The following TENM4 variants were observed in gnomAD, a reference collection of about 807,000 sequenced individuals.
TENM4 encodes the protein teneurin-4.
A neutral mutation model predicts 243.3 loss-of-function variants in TENM4; 82 were observed. That is an observed-to-expected ratio of 0.34 (90% confidence interval 0.28 to 0.40). The LOEUF is 0.40. TENM4 is among the 10% of genes least tolerant of loss of function. TENM4 has a pLI of 1.00. For synonymous variants in TENM4, 1,412 were observed against 1,456.3 expected, an observed-to-expected ratio of 0.97 and a Z score of 0.69; for missense variants, 3,138 against 3,673.3, an observed-to-expected ratio of 0.85 and a Z score of 3.77.
At position 78,854,113 on chromosome 11, in the gene TENM4, T is replaced by C; in HGVS notation, c.1672A>G (p.Thr558Ala). The change falls in exon 12 of 34, where the codon ACT (threonine) becomes GCT (alanine). Residue 558 changes from threonine (T) to alanine (A), a missense_variant. Thr to Ala is a moderately conservative substitution (Grantham distance 58). Around this residue, in one of 2 missense-constraint regions of TENM4, gnomAD observed 2,467 missense variants for 3,059.1 expected, o/e 0.81. Transcript: ENST00000278550. Reference protein sequence around the residue: ...KESEVVSFLTTAIESVDNCPS... With the variant: ...KESEVVSFLTAAIESVDNCPS... ...GGTGTGGCTCCCTTACCAATGGCAG[T>C]GGTGAGAAAGGAAACCACTTCTGAC... The C allele has an allele frequency of 6.4e-7, 1 of 1,551,424 alleles. No homozygotes were observed. The highest frequency in any genetic ancestry group is 1.2e-5 in the South Asian group (1 of 83,996).
At chr11:78,774,649 C>T (rs142315768) in intron 17 of TENM4, among the ~76,000 whole-genome samples, 323 of 152,280 alleles carry the variant, frequency 2.1e-3, no homozygotes, top group Non-Finnish European at 3.3e-3. Context: ...AAGAGGCCTG[C>T]GTTCTGGCCT....
At chr11:78,753,522 C>T (rs988974411) in intron 19 of TENM4, among the ~76,000 whole-genome samples, 1 of 152,194 alleles carries the variant, frequency 6.6e-6, no homozygotes, top group Non-Finnish European at 1.5e-5. Flanking sequence ...TCATCGAATA[C>T]CAAGTAGTTA....
chr11:78,991,397 C>T (rs190539050), intron 6 of TENM4, among the ~76,000 whole-genome samples: 23 of 152,204 alleles, frequency 1.5e-4, no homozygotes, highest in African/African-American at 5.5e-4. Flanking sequence ...GGAGCTTTCT[C>T]TGAGAAAGAA....
chr11:78,852,841 C>G (rs1858572244), intron 12 of TENM4, among the ~76,000 whole-genome samples: 1 of 152,110 alleles, frequency 6.6e-6, no homozygotes, highest in African/African-American at 2.4e-5. Context: ...CCTCAATCTC[C>G]TGGGCTCAAG....
At chr11:79,271,079 T>A (rs1855960888) in intron 2 of TENM4, among the ~76,000 whole-genome samples, 2 of 152,310 alleles carry the variant, frequency 1.3e-5, no homozygotes, top group South Asian at 2.1e-4. Context: ...TTTTTCATGA[T>A]GACTTCTGAA....
rs114376236 is a variant in TENM4, at chr11:78,993,059, T to G, written c.493+71679A>C. Among the ~76,000 whole-genome samples the G allele has an allele frequency of 2.5e-3, 378 of 152,314 alleles. 1 individual carries two copies. Among genetic ancestry groups the G allele is most frequent in the African/African-American group, 7.9e-3 (328 of 41,566 alleles). ...TCATTCAGGTACTTAATTCACCCAT[T>G]TAATTGATTGTTGAACAGCTACTAT... On this transcript the variant is annotated intron_variant, in intron 6 of 33. Coordinates refer to ENST00000278550, the MANE Select transcript of TENM4 (RefSeq NM_001098816.3).
intron 20 of TENM4, among the ~76,000 whole-genome samples, chr11:78,734,980 C>T (rs746069484): frequency 6.6e-6 from 1 of 152,198 alleles, no homozygotes; most frequent in Non-Finnish European, 1.5e-5. Context: ...GTGTGAGAGA[C>T]CTCAATGCAG....
At chr11:79,162,144 T>C (rs938693118) in intron 3 of TENM4, among the ~76,000 whole-genome samples, 6 of 152,204 alleles carry the variant, frequency 3.9e-5, no homozygotes, top group Non-Finnish European at 8.8e-5. Flanking sequence ...AGACCCTGTG[T>C]GCAGATCTAA....
Position 79,297,521 on chromosome 11 carries a change from T to A in TENM4, c.-298A>T, listed in dbSNP as rs1435750499. The A allele has an allele frequency of 6.6e-6, 1 of 152,608 alleles. No homozygotes were observed. The highest frequency in any genetic ancestry group is 1.5e-5 in the Non-Finnish European group (1 of 68,038). The allele number at this position is 152,608 out of a possible 1,614,324, so 9.5% of individuals were successfully genotyped here. ...CAAGTGTCTGAGAGATCACTAGCCCTCTCTGATTCTCAGTTTTTCCATCTG... is the reference window on the plus strand; with the variant it reads ...CAAGTGTCTGAGAGATCACTAGCCCACTCTGATTCTCAGTTTTTCCATCTG... On this transcript the variant is annotated 5_prime_UTR_variant, in exon 2 of 34. Transcript: ENST00000278550.
At chr11:78,811,304 G>T (rs1345344634) in intron 14 of TENM4, among the ~76,000 whole-genome samples, 2 of 152,208 alleles carry the variant, frequency 1.3e-5, no homozygotes, top group Non-Finnish European at 2.9e-5. Flanking sequence ...AAGAGTCCTG[G>T]ATTTGAAGTG....
At position 78,704,119 on chromosome 11, in the gene TENM4, A is replaced by G. The variant is rs1459746080; in HGVS notation, c.4210-1716T>C. Among the ~76,000 whole-genome samples, 31 of 146,006 alleles carry G rather than the reference A, an allele frequency of 2.1e-4. No homozygotes were observed. The Admixed American group carries it at 2.1e-3, about 10-fold the overall frequency. On this transcript the variant is annotated intron_variant, in intron 27 of 33. Coordinates refer to ENST00000278550, the MANE Select transcript of TENM4 (RefSeq NM_001098816.3). ...CATATGTATGTGTGTGTGTCTATAT[A>G]TATATATACACGTGTATGTCTATGT...
chr11:79,247,800 A>G (rs1285805775), intron 2 of TENM4, among the ~76,000 whole-genome samples: 1 of 152,240 alleles, frequency 6.6e-6, no homozygotes, highest in Admixed American at 6.5e-5. Flanking sequence ...TAAAACCAAA[A>G]GACAACTCAG....
chr11:79,001,486 A>C (rs989902433), intron 6 of TENM4, among the ~76,000 whole-genome samples: 1 of 149,922 alleles, frequency 6.7e-6, no homozygotes, highest in African/African-American at 2.5e-5. Context: ...GACCCCCCCC[A>C]AATCCCATGA....
chr11:78,712,170 T>C (rs1048333554), intron 26 of TENM4, among the ~76,000 whole-genome samples: 3 of 152,192 alleles, frequency 2.0e-5, no homozygotes, highest in Non-Finnish European at 2.9e-5. Flanking sequence ...ACAGAAACAA[T>C]TTAATGACAT....
At position 79,281,251 on chromosome 11, in the gene TENM4, A is replaced by G. The variant is rs1015897097; in HGVS notation, c.-265+16237T>C. The stretch of plus-strand genomic sequence containing the variant: ...TCAGCAATCCCCATAGGGAGGTATT[A>G]TGATCATTTTTATTTCACAGAGGAG... On this transcript the variant is annotated intron_variant, in intron 2 of 33. Coordinates refer to ENST00000278550, the MANE Select transcript of TENM4 (RefSeq NM_001098816.3). Among the ~76,000 whole-genome samples, 5 of 152,164 alleles carry G rather than the reference A, an allele frequency of 3.3e-5. No individual in the cohort carries two copies. The East Asian group carries it at 9.6e-4, about 29-fold the overall frequency.
chr11:79,234,991 A>T (rs2135268489), intron 2 of TENM4, among the ~76,000 whole-genome samples: 1 of 152,252 alleles, frequency 6.6e-6, no homozygotes, highest in East Asian at 1.9e-4. Flanking sequence ...TTAAAATACC[A>T]AGAGGGAAGA....
At chr11:78,838,054 T>C (rs1244405539) in intron 12 of TENM4, among the ~76,000 whole-genome samples, 1 of 152,212 alleles carries the variant, frequency 6.6e-6, no homozygotes, top group Non-Finnish European at 1.5e-5. Flanking sequence ...TAATATATAT[T>C]GGTATAGTTC....
chr11:78,831,873 C>CA (rs1427882173), intron 12 of TENM4, among the ~76,000 whole-genome samples: 1 of 152,202 alleles, frequency 6.6e-6, no homozygotes, highest in Non-Finnish European at 1.5e-5. Context: ...GGGCCTAGGG[C>CA]TCTGACTCCC....
intron 6 of TENM4, among the ~76,000 whole-genome samples, chr11:79,049,936 T>G (rs1383241900): frequency 2.0e-5 from 3 of 152,248 alleles, no homozygotes; most frequent in Admixed American, 2.0e-4. Flanking sequence ...CCTTTTCCCT[T>G]TGCTGATTTG....
Sources: gnomAD v4.1 joint callset for allele counts (sites outside exome capture counted in the v4.1 genomes callset) on GRCh38, gnomAD v4.1.1 for gene constraint, gnomAD v4.1.1 regional missense constraint, MANE v1.5 for transcripts, NCBI Gene and HGNC (gene_info 2026-07-23, HGNC 2026-07-21) for gene names.